Variants in PCDHGA2 observed in about 807,000 individuals in gnomAD.
The protein encoded by PCDHGA2 is protocadherin gamma subfamily A, 2, also known as protocadherin gamma-A2.
In PCDHGA2, 40 loss-of-function variants were observed where a neutral mutation model predicts 59.2. That is an observed-to-expected ratio of 0.68 (90% CI 0.52 to 0.88). The LOEUF (loss-of-function observed/expected upper bound fraction) is 0.88, where lower values mean the gene tolerates loss of function less well. Among genes scored for constraint, PCDHGA2 ranks in the 40% least tolerant of loss-of-function variants. The probability of loss-of-function intolerance (pLI) is 0.00; values close to 1 mark genes in which losing one functional copy is unlikely to be tolerated. For missense variants in PCDHGA2, 1,226 were observed against 1,204.0 expected (o/e 1.02, Z -0.27); for synonymous variants, 560 against 526.0 (o/e 1.06, Z -0.89).
intron 1 of PCDHGA2, chr5:141,415,758 T>G (rs200061978): frequency 0.08 from 111,079 of 1,380,048 alleles, 1,979 homozygotes; most frequent in African/African-American, 0.17. Context: ...TTTTTTTTTT[T>G]TTTTTTTTTT....
chr5:141,393,303 G>A (rs1305361582), intron 1 of PCDHGA2: 5 of 1,613,646 alleles, frequency 3.1e-6, no homozygotes, highest in Non-Finnish European at 3.4e-6. Context: ...GGATGTGGGC[G>A]TGAACTCCCT....
At chr5:141,448,893 C>G (rs957997508) in intron 1 of PCDHGA2, among the ~76,000 whole-genome samples, 2 of 151,948 alleles carry the variant, frequency 1.3e-5, no homozygotes, top group Non-Finnish European at 2.9e-5. Flanking sequence ...TGCAGTGAGC[C>G]GAGATCGTGC....
chr5:141,499,457 T>G (rs1000400491), intron 2 of PCDHGA2, among the ~76,000 whole-genome samples: 1 of 152,214 alleles, frequency 6.6e-6, no homozygotes, highest in African/African-American at 2.4e-5. Context: ...CCCATCATTT[T>G]ACAATCTAGG....
At position 141,487,741 on chromosome 5, in the gene PCDHGA2, A is replaced by C. The variant is rs773413559; in HGVS notation, c.2425-7066A>C. 1.6e-4 allele frequency: 247 copies of C among 1,561,638 alleles called. 1 individual carries two copies. The highest frequency in any genetic ancestry group is 2.1e-4 in the Non-Finnish European group (244 of 1,151,698). On this transcript the variant is annotated intron_variant, in intron 1 of 3. Coordinates refer to ENST00000394576, the MANE Select transcript of PCDHGA2 (RefSeq NM_018915.4). This position sits in a 1 kb window ranked among gnomAD's most constrained non-coding sequence, Gnocchi z 5.0. ...ATAGTGATGTCACCATTTTTGTAAG[A>C]GGTAACTATGTGGTAGACGCTGTGC... is the stretch of plus-strand genomic sequence containing the variant.
intron 1 of PCDHGA2, among the ~76,000 whole-genome samples, chr5:141,430,066 G>C (rs550834063): frequency 6.6e-6 from 1 of 151,984 alleles, no homozygotes; most frequent in Non-Finnish European, 1.5e-5. Flanking sequence ...TCATTTTTAG[G>C]TTTCCATAAT....
chr5:141,464,093 C>T (rs1029458289), intron 1 of PCDHGA2, among the ~76,000 whole-genome samples: 1 of 151,888 alleles, frequency 6.6e-6, no homozygotes, highest in Non-Finnish European at 1.5e-5. Context: ...GGTGAAACTC[C>T]GTCTCTACTA....
chr5:141,415,269 G>T, intron 1 of PCDHGA2: 1 of 1,614,228 alleles, frequency 6.2e-7, no homozygotes, highest in African/African-American at 1.3e-5. Flanking sequence ...TGTACCTGGT[G>T]GTAGCGGTGG....
intron 1 of PCDHGA2, chr5:141,441,978 A>T (rs769977785): frequency 9.1e-5 from 26 of 285,248 alleles, no homozygotes; most frequent in Non-Finnish European, 1.8e-4. Flanking sequence ...TCAGCCTGGA[A>T]TGCGCACCGA....
chr5:141,371,226 A>G (rs772683388), intron 1 of PCDHGA2: 7 of 1,614,072 alleles, frequency 4.3e-6, no homozygotes, highest in Non-Finnish European at 5.9e-6. Flanking sequence ...TGCCGAAATC[A>G]TCTATGCCTT....
intron 3 of PCDHGA2, among the ~76,000 whole-genome samples, chr5:141,506,598 G>A (rs1056005258): frequency 6.6e-6 from 1 of 152,130 alleles, no homozygotes; most frequent in Non-Finnish European, 1.5e-5. Context: ...CAGTATTAAC[G>A]GATCTCATTG....
chr5:141,375,058 A>C (rs1346702145), intron 1 of PCDHGA2: 3 of 1,614,066 alleles, frequency 1.9e-6, no homozygotes, highest in Non-Finnish European at 2.5e-6. Context: ...GGGATGGGCC[A>C]GGTCTTCGAG....
At chr5:141,383,476 G>T (rs983488072) in intron 1 of PCDHGA2, 1 of 1,613,748 alleles carries the variant, frequency 6.2e-7, no homozygotes, top group South Asian at 1.1e-5. Context: ...TAAGTACCCG[G>T]AACTGGTGCT....
At position 141,351,769 on chromosome 5, in the gene PCDHGA2, G is replaced by A. The variant is rs549456663; in HGVS notation, c.2424+10374G>A. On this transcript the variant is annotated intron_variant, in intron 1 of 3. Transcript: ENST00000394576. ...GGGAGCTGTTGTCCTACGTGTCCGT[G>A]AGCCCGCAGAGCGGGGTGGTGTTCG... is the stretch of plus-strand genomic sequence containing the variant. 2.3e-4 allele frequency: 371 copies of A among 1,613,496 alleles called. 3 individuals are homozygous for A. In the East Asian group the frequency reaches 7.5e-3, roughly 32 times the overall value.
In PCDHGA2 at chr5:141,381,826, C is replaced by CTTCTTTTTTTTTTT. The variant is rs1777532522; in HGVS notation, c.2424+40433_2424+40434insCTTTTTTTTTTTTT. On this transcript the variant is annotated intron_variant, in intron 1 of 3. Transcript: ENST00000394576. ...TTTCTTTCTTTCTTTCTTTCTTCTT[C>CTTCTTTTTTTTTTT]TTTTTTTTTTTTTTTTTTTTTTGGC... Among the ~76,000 whole-genome samples the CTTCTTTTTTTTTTT allele has an allele frequency of 5.4e-5, 4 of 74,282 alleles. 1 individual carries two copies. Among genetic ancestry groups the CTTCTTTTTTTTTTT allele is most frequent in the African/African-American group, 2.5e-4 (4 of 16,176 alleles). The allele number at this position is 74,282 out of a possible 152,430, so 48.7% of individuals were successfully genotyped here.
rs2099643895 is a variant in PCDHGA2 at position 141,487,385 on chromosome 5, C to T, written c.2425-7422C>T. 1.9e-6 allele frequency: 3 copies of T among 1,614,160 alleles called. No homozygotes were observed. The highest frequency in any genetic ancestry group is 1.1e-5 in the South Asian group (1 of 91,086). On this transcript the variant is annotated intron_variant, in intron 1 of 3. Transcript: ENST00000394576. This position sits in a 1 kb window ranked among gnomAD's most constrained non-coding sequence, Gnocchi z 5.0. Reference sequence around the variant, plus strand: ...CACCTGTGCCTGTCTCACCAGATCTCGAAGGAGGGAGGGGCTTCCCCCTTC... The same window carrying T: ...CACCTGTGCCTGTCTCACCAGATCTTGAAGGAGGGAGGGGCTTCCCCCTTC...
At chr5:141,422,966 C>A (rs762530904) in intron 1 of PCDHGA2, 1 of 1,614,112 alleles carries the variant, frequency 6.2e-7, no homozygotes, top group Admixed American at 1.7e-5. Flanking sequence ...GAGCTGGCGC[C>A]CCGCTCTGCG....
chr5:141,351,013 CG>C (rs1758619195), intron 1 of PCDHGA2: 2 of 1,613,944 alleles, frequency 1.2e-6, no homozygotes, highest in Admixed American at 1.7e-5. Flanking sequence ...TCCAAGAAAA[CG>C]TACCGTGGGG....
At chr5:141,357,224 T>G in intron 1 of PCDHGA2, 1 of 1,613,828 alleles carries the variant, frequency 6.2e-7, no homozygotes, top group Non-Finnish European at 8.5e-7. Context: ...CTGGCTGACT[T>G]GGGCAGCCTC....
chr5:141,397,809 A>G lies in PCDHGA2; in HGVS notation c.2424+56414A>G, dbSNP rs116170608. Among the ~76,000 whole-genome samples, 1,507 of 152,354 alleles carry G rather than the reference A, an allele frequency of 9.9e-3. 33 individuals carry two copies. Among genetic ancestry groups the G allele is most frequent in the African/African-American group, 0.034 (1,415 of 41,586 alleles). ...ACTTGGCTTGTTAAGTTAGGCACACAAAAACAATTACTGCACTGGTTAACT... is the reference window on the plus strand; with the variant it reads ...ACTTGGCTTGTTAAGTTAGGCACACGAAAACAATTACTGCACTGGTTAACT... On this transcript the variant is annotated intron_variant, in intron 1 of 3. Coordinates refer to ENST00000394576, the MANE Select transcript of PCDHGA2 (RefSeq NM_018915.4).
Sources: allele counts gnomAD v4.1 joint callset (sites outside exome capture counted in the v4.1 genomes callset), GRCh38; gene constraint gnomAD v4.1.1; non-coding constraint Gnocchi (gnomAD v3.1); transcripts MANE v1.5; gene names NCBI Gene and HGNC (gene_info 2026-07-23, HGNC 2026-07-21).